Variants in SLU7 observed in about 807,000 individuals in gnomAD.
SLU7 encodes spliceosome associated SLU7, also known as pre-mRNA-splicing factor SLU7.
Under a neutral mutation model 87.0 loss-of-function variants are expected in SLU7, and 60 were observed. The observed-to-expected ratio is 0.69, with a 90% CI of 0.56 to 0.86. SLU7 has a LOEUF of 0.86. Among genes scored for constraint, SLU7 ranks in the 40% least tolerant of loss-of-function variants. The probability of loss-of-function intolerance (pLI) is 0.00; values close to 1 mark genes in which losing one functional copy is unlikely to be tolerated. For missense variants in SLU7, 507 were observed against 686.6 expected (o/e 0.74, Z 2.92); for synonymous variants, 197 against 222.0 (o/e 0.89, Z 1.00).
At chr5:160,405,185 CT>C in intron 12 of SLU7, 50 bp from the exon 13 acceptor site, 1 of 1,225,914 alleles carries the variant, frequency 8.2e-7, no homozygotes, top group Non-Finnish European at 1.2e-6. Flanking sequence ...AAATTAGAAA[CT>C]TCTGTATACT....
chr5:160,417,719 G>A (rs1374871585), intron 1 of SLU7, among the ~76,000 whole-genome samples: 1 of 150,684 alleles, frequency 6.6e-6, no homozygotes, highest in Non-Finnish European at 1.5e-5. Flanking sequence ...CTGAACCCAG[G>A]AGGCCGATAT....
At chr5:160,403,556 T>G in intron 15 of SLU7, 92 bp from the exon 16 acceptor site, 1 of 1,104,954 alleles carries the variant, frequency 9.1e-7, no homozygotes, top group Non-Finnish European at 1.3e-6. Context: ...CCACTGAATA[T>G]GAACTGCTCT....
At chr5:160,416,005 G>C (rs1363000177) in intron 1 of SLU7, among the ~76,000 whole-genome samples, 1 of 152,032 alleles carries the variant, frequency 6.6e-6, no homozygotes, top group East Asian at 1.9e-4. Context: ...CGATTCTCCT[G>C]CCTCAGTCTC....
intron 6 of SLU7, among the ~76,000 whole-genome samples, chr5:160,409,803 A>G (rs1024084967): frequency 2.0e-5 from 3 of 152,166 alleles, no homozygotes; most frequent in African/African-American, 7.2e-5. Flanking sequence ...TTGATTAAAA[A>G]AAGGGGAGGG....
chr5:160,408,761 A>ATC, intron 6 of SLU7, 64 bp from the exon 7 acceptor site: 2 of 523,480 alleles, frequency 3.8e-6, no homozygotes, highest in African/African-American at 2.0e-5. Flanking sequence ...TAACTTTATT[A>ATC]TTAAGATAAT....
chr5:160,404,351 C>G (rs770215774), intron 15 of SLU7, 89 bp downstream of exon 15: 6 of 802,676 alleles, frequency 7.5e-6, no homozygotes, highest in Non-Finnish European at 1.2e-5. Flanking sequence ...GACAACAGAG[C>G]AAGACCCTGT....
At chr5:160,416,828 G>C (rs940225322) in intron 1 of SLU7, among the ~76,000 whole-genome samples, 1 of 152,132 alleles carries the variant, frequency 6.6e-6, no homozygotes, top group African/African-American at 2.4e-5. Context: ...GTCTGACATG[G>C]TTTGGCTCTG....
chr5:160,403,582 T>G, intron 15 of SLU7, 118 bp from the exon 16 acceptor site: 1 of 791,470 alleles, frequency 1.3e-6, no homozygotes, highest in Admixed American at 3.1e-5. Flanking sequence ...AAACGCAGAT[T>G]GCCTGAAAGA....
chr5:160,408,646 T>A lies in SLU7; in HGVS notation c.687+4A>T, dbSNP rs1251674124. On this transcript the variant is annotated splice_donor_region_variant and intron_variant, in intron 7 of 15. Transcript: ENST00000297151. ...TATACTCAGAGACAGCAAATATGTATTACCATCTGAGAATTTGGTTCCTCT... is the reference window on the plus strand; with the variant it reads ...TATACTCAGAGACAGCAAATATGTAATACCATCTGAGAATTTGGTTCCTCT... 3 of 1,552,832 alleles carry A rather than the reference T, an allele frequency of 1.9e-6. No homozygotes were observed. The South Asian group carries it at 3.4e-5, about 18-fold the overall frequency.
chr5:160,407,608 T>C lies in SLU7; in HGVS notation c.993A>G (p.Ala331=), dbSNP rs1303469950. 1.2e-6 allele frequency: 2 copies of C among 1,611,554 alleles called. No individual in the cohort carries two copies. Among genetic ancestry groups the C allele is most frequent in the African/African-American group, 2.7e-5 (2 of 74,792 alleles). The change falls in exon 11 of 16, where the codon GCA becomes GCG. Residue 331 remains alanine (A), a synonymous_variant. Transcript: ENST00000297151. This position sits in a 1 kb window ranked among gnomAD's most constrained non-coding sequence, Gnocchi z 4.2. ...CAGATCCCTTGTCATAGGCTTCCCATGCAAACACTAGAGTAATTCAAAACA... is the reference window on the plus strand; with the variant it reads ...CAGATCCCTTGTCATAGGCTTCCCACGCAAACACTAGAGTAATTCAAAACA... ...TISMAQTQLF[A]WEAYDKGSEV... is the part of the protein sequence containing the mutation.
chr5:160,405,679 ATTC>A (rs1581061369), intron 12 of SLU7, among the ~76,000 whole-genome samples: 1 of 152,224 alleles, frequency 6.6e-6, no homozygotes, highest in African/African-American at 2.4e-5. Context: ...CTTATTAAAT[ATTC>A]TTGTCAAAAT....
chr5:160,407,902 C>T lies in SLU7; in HGVS notation c.917+69G>A. 2.1e-6 allele frequency: 3 copies of T among 1,463,054 alleles called. No individual in the cohort carries two copies. Among genetic ancestry groups the T allele is most frequent in the Non-Finnish European group, 2.9e-6 (3 of 1,043,598 alleles). 90.6% of individuals were successfully genotyped at this position (1,463,054 alleles called of 1,614,324 possible). A position where few individuals can be genotyped will look rare whatever the true frequency, so the allele number is the denominator to read the frequency against. On this transcript the variant is annotated intron_variant, in intron 9 of 15. Transcript: ENST00000297151. This position sits in a 1 kb window ranked among gnomAD's most constrained non-coding sequence, Gnocchi z 4.2. ...GAATCTGAATTAAAATGAACACCAT[C>T]TATGGTCAGGTCAGAAAACAATTAA...
Position 160,410,170 on chromosome 5 carries a change from A to G in SLU7, c.640-1473T>C, listed in dbSNP as rs575496137. 2.0e-4 allele frequency among the ~76,000 whole-genome samples: 30 copies of G among 152,348 alleles called. 1 individual carries two copies. Among genetic ancestry groups the G allele is most frequent in the African/African-American group, 7.0e-4 (29 of 41,584 alleles). On this transcript the variant is annotated intron_variant, in intron 6 of 15. Transcript: ENST00000297151. The stretch of plus-strand genomic sequence containing the variant: ...CACACATGAACAGGTATATGTGGAC[A>G]AGAGAGACCTGGAAAGGCCTACTTC...
chr5:160,414,350 G>C lies in SLU7; in HGVS notation c.293C>G (p.Ser98Cys). ...QPEKQKQFSS[S>C]GEWYKRGVKE... The stretch of plus-strand genomic sequence containing the variant: ...TACACCCCTCTTGTACCATTCTCCA[G>C]ATGAGCTGAACTGCTTTTGTTTTTC... Residue 98 changes from serine (S) to cysteine (C), a missense_variant, in exon 3 of 16, where the codon TCT (serine) becomes TGT (cysteine). Ser to Cys is a moderately radical substitution (Grantham distance 112, BLOSUM62 -1). This residue lies in a region of SLU7 where 26 missense variants were observed against 78.9 expected (regional missense o/e 0.33). Coordinates refer to ENST00000297151, the MANE Select transcript of SLU7 (RefSeq NM_006425.5). 1 of 1,611,322 alleles carries C rather than the reference G, an allele frequency of 6.2e-7. No individual in the cohort carries two copies. Among genetic ancestry groups the C allele is most frequent in the Non-Finnish European group, 8.5e-7 (1 of 1,178,698 alleles).
chr5:160,411,327 G>A (rs1465854521), intron 6 of SLU7, among the ~76,000 whole-genome samples: 9 of 151,778 alleles, frequency 5.9e-5, no homozygotes. Context: ...TGCCTCCTGG[G>A]TTCAAGCGAT....
chr5:160,414,270 T>C (rs754137146), intron 3 of SLU7, 49 bp downstream of exon 3: 1 of 1,433,072 alleles, frequency 7.0e-7, no homozygotes, highest in Admixed American at 2.5e-5. Context: ...TTACATTAAG[T>C]TCTTAAACTC....
At position 160,402,179 on chromosome 5, in the gene SLU7, G is replaced by C. The variant is rs1047350264; in HGVS notation, c.*1106C>G. The C allele has an allele frequency of 5.3e-5, 8 of 151,982 alleles. No individual in the cohort carries two copies. The highest frequency in any genetic ancestry group is 8.8e-5 in the Non-Finnish European group (6 of 68,008). 9.4% of individuals were successfully genotyped at this position (151,982 alleles called of 1,614,324 possible). A position where few individuals can be genotyped will look rare whatever the true frequency, so the allele number is the denominator to read the frequency against. On this transcript the variant is annotated 3_prime_UTR_variant, in exon 16 of 16. Coordinates refer to ENST00000297151, the MANE Select transcript of SLU7 (RefSeq NM_006425.5). ...TAACAGCTGCTGGCTATAAATATTA[G>C]GATATTCTACAATTTAAAAAATCTA...
intron 15 of SLU7, among the ~76,000 whole-genome samples, chr5:160,403,938 C>T (rs893049290): frequency 6.6e-6 from 1 of 152,170 alleles, no homozygotes; most frequent in African/African-American, 2.4e-5. Context: ...AAGAAGAAGG[C>T]AATACCTACA....
At chr5:160,408,867 T>TATA (rs57270894) in intron 6 of SLU7, among the ~76,000 whole-genome samples, 170 bp from the exon 7 acceptor site, 113,863 of 144,794 alleles carry the variant, frequency 0.79, 45,345 homozygotes, top group Non-Finnish European at 0.84. Context: ...ATATTTATTA[T>TATA]ATAATATATA....
Sources: allele counts gnomAD v4.1 joint callset (sites outside exome capture counted in the v4.1 genomes callset), GRCh38; gene constraint gnomAD v4.1.1; regional missense constraint gnomAD v4.1.1; non-coding constraint Gnocchi (gnomAD v3.1); transcripts MANE v1.5; gene names NCBI Gene and HGNC (gene_info 2026-07-23, HGNC 2026-07-21).